GAS7: variants seen among roughly 807,000 people sequenced by gnomAD.
GAS7 encodes the protein growth arrest specific 7, also known as growth arrest-specific protein 7.
Under a neutral mutation model 71.1 loss-of-function variants are expected in GAS7, and 28 were observed. The observed-to-expected ratio is 0.39, with a 90% CI of 0.29 to 0.54. The LOEUF is 0.54. Among genes scored for constraint, GAS7 ranks in the 20% least tolerant of loss-of-function variants. The pLI, the probability that GAS7 is intolerant of heterozygous loss-of-function variation, is 0.62. For missense variants in GAS7, 436 were observed against 627.8 expected (o/e 0.69, Z 3.27); for synonymous variants, 258 against 245.8 (o/e 1.05, Z -0.46).
At chr17:10,065,165 A>G (rs1378030335) in intron 1 of GAS7, among the ~76,000 whole-genome samples, 1 of 152,218 alleles carries the variant, frequency 6.6e-6, no homozygotes, top group African/African-American at 2.4e-5. Context: ...GTTCCTTGGT[A>G]AAGGGCAAGG....
rs8073915 is a variant in GAS7, at chr17:10,063,869, G to A, written c.184-43972C>T. ...TCCCCTTGCACGGGTGGTGAGGGGGGCAGAGGAAGCATCTTTTTTTCATCC... is the reference window on the plus strand; with the variant it reads ...TCCCCTTGCACGGGTGGTGAGGGGGACAGAGGAAGCATCTTTTTTTCATCC... On this transcript the variant is annotated intron_variant, in intron 1 of 13. Transcript: ENST00000432992. Among the ~76,000 whole-genome samples, 1,295 of 152,260 alleles carry A rather than the reference G, an allele frequency of 8.5e-3. 26 individuals are homozygous for A. The highest frequency in any genetic ancestry group is 0.03 in the African/African-American group (1,241 of 41,532).
chr17:10,074,990 C>T (rs2073376065), intron 1 of GAS7, among the ~76,000 whole-genome samples: 1 of 151,234 alleles, frequency 6.6e-6, no homozygotes. Context: ...GCAGAAAAAG[C>T]ACCGGACAAA....
Position 9,926,604 on chromosome 17 carries a change from A to G in GAS7, c.1014+37T>C. On this transcript the variant is annotated intron_variant, in intron 10 of 13. Coordinates refer to ENST00000432992, the MANE Select transcript of GAS7 (RefSeq NM_201433.2). This position sits in a 1 kb window ranked among gnomAD's most constrained non-coding sequence, Gnocchi z 5.0. ...TCCCCCTTCTTCCAGGCAGTCCCCC[A>G]TGCACCTGCCCTGGCCCAGCGTCCT... 6.2e-7 allele frequency: 1 copy of G among 1,606,492 alleles called. No homozygotes were observed. Among genetic ancestry groups the G allele is most frequent in the Non-Finnish European group, 8.5e-7 (1 of 1,176,794 alleles).
At chr17:10,039,637 C>T (rs746647407) in intron 1 of GAS7, 4 of 417,498 alleles carry the variant, frequency 9.6e-6, no homozygotes, top group African/African-American at 2.1e-5. Flanking sequence ...GAGCCAAGAT[C>T]ATGCCACTGC....
At chr17:9,937,795 G>A (rs1402489122) in intron 8 of GAS7, among the ~76,000 whole-genome samples, 2 of 152,320 alleles carry the variant, frequency 1.3e-5, no homozygotes, top group East Asian at 1.9e-4. Context: ...TTCCTCGGGG[G>A]TTCACTCCCC....
intron 1 of GAS7, among the ~76,000 whole-genome samples, chr17:10,182,284 C>T (rs139962854): frequency 9.2e-5 from 14 of 152,160 alleles, no homozygotes; most frequent in Middle Eastern, 3.4e-3. Context: ...CTCAGCCTCC[C>T]GAGTAGCTGG....
intron 2 of GAS7, among the ~76,000 whole-genome samples, chr17:10,013,041 T>G (rs1045078641): frequency 6.7e-6 from 1 of 149,626 alleles, no homozygotes; most frequent in Non-Finnish European, 1.5e-5. Context: ...AGATGGAGGT[T>G]GCAGTGAGCC....
intron 2 of GAS7, among the ~76,000 whole-genome samples, chr17:9,992,610 T>A (rs1245385296): frequency 4.0e-5 from 6 of 151,404 alleles, no homozygotes; most frequent in Non-Finnish European, 5.9e-5. Flanking sequence ...TTAATTAATT[T>A]ATTATTATTA....
chr17:10,186,056 G>A (rs1414558644), intron 1 of GAS7, among the ~76,000 whole-genome samples: 6 of 145,078 alleles, frequency 4.1e-5, no homozygotes, highest in Non-Finnish European at 8.9e-5. Flanking sequence ...CCTGGTTCAC[G>A]CCATTCTCCT....
chr17:10,068,145 A>G (rs1190915393), intron 1 of GAS7, among the ~76,000 whole-genome samples: 1 of 152,208 alleles, frequency 6.6e-6, no homozygotes, highest in Non-Finnish European at 1.5e-5. Context: ...CTTTGTACGA[A>G]GCACAGTGAC....
In GAS7 at chr17:9,914,578, T is replaced by C. The variant is rs947157563; in HGVS notation, c.*2650A>G. On this transcript the variant is annotated 3_prime_UTR_variant, in exon 14 of 14. Coordinates refer to ENST00000432992, the MANE Select transcript of GAS7 (RefSeq NM_201433.2). ...AACAGAGAAATTTCTGAAATTCGAA[T>C]TGGATATGGGCCGTGAGGGTCTGGT... The C allele has an allele frequency of 6.9e-5, 14 of 203,034 alleles. No individual in the cohort carries two copies. The highest frequency in any genetic ancestry group is 3.0e-4 in the East Asian group (4 of 13,180). 12.6% of individuals were successfully genotyped at this position (203,034 alleles called of 1,614,324 possible). A position where few individuals can be genotyped will look rare whatever the true frequency, so the allele number is the denominator to read the frequency against.
intron 1 of GAS7, among the ~76,000 whole-genome samples, chr17:10,068,808 A>G (rs1787121215): frequency 6.6e-6 from 1 of 152,038 alleles, no homozygotes; most frequent in African/African-American, 2.4e-5. Flanking sequence ...AATACAAAGC[A>G]AAATCAGTGA....
rs745409156 is a variant in GAS7, at chr17:9,943,186, T to C, written c.666A>G (p.Leu222=). 22 of 1,613,628 alleles carry C rather than the reference T, an allele frequency of 1.4e-5. No homozygotes were observed. The highest frequency in any genetic ancestry group is 4.5e-5 in the East Asian group (2 of 44,870). ...QGNGTVAGFE[L]LLQKQLKGKQ... ...TGCCCTTCAGCTGTTTCTGGAGCAG[T>C]AGTTCAAACCCAGCCACGGTGCCGT... The change falls in exon 7 of 14, where the codon CTA becomes CTG. Residue 222 remains leucine (L), a synonymous_variant. Transcript: ENST00000432992.
At chr17:9,918,670 G>A (rs1043917118) in intron 12 of GAS7, among the ~76,000 whole-genome samples, 6 of 152,198 alleles carry the variant, frequency 3.9e-5, no homozygotes, top group East Asian at 3.9e-4. Context: ...TGCTGTGGCC[G>A]CAATAGAGAC....
At position 10,034,107 on chromosome 17, in the gene GAS7, C is replaced by T; in HGVS notation, c.184-14210G>A. 1.0e-6 allele frequency: 1 copy of T among 985,030 alleles called. No individual in the cohort carries two copies. The highest frequency in any genetic ancestry group is 1.2e-6 in the Non-Finnish European group (1 of 829,612). The allele number at this position is 985,030 out of a possible 1,614,324, so 61.0% of individuals were successfully genotyped here. A position where few individuals can be genotyped will look rare whatever the true frequency, so the allele number is the denominator to read the frequency against. Reference sequence around the variant, plus strand: ...GGGCCTTGCTATGGAGATGTGAGACCTACCACTGCTCTGTGCCACCGTGCG... The same window carrying T: ...GGGCCTTGCTATGGAGATGTGAGACTTACCACTGCTCTGTGCCACCGTGCG... On this transcript the variant is annotated intron_variant, in intron 1 of 13. Coordinates refer to ENST00000432992, the MANE Select transcript of GAS7 (RefSeq NM_201433.2). This position sits in a 1 kb window ranked among gnomAD's most constrained non-coding sequence, Gnocchi z 4.4.
At chr17:9,939,231 C>A (rs779938176) in intron 8 of GAS7, among the ~76,000 whole-genome samples, 3 of 152,158 alleles carry the variant, frequency 2.0e-5, no homozygotes, top group Non-Finnish European at 4.4e-5. Flanking sequence ...TTTTCCACAG[C>A]GGCTGTACCA....
At chr17:10,036,306 G>A in intron 1 of GAS7, 1 of 822,396 alleles carries the variant, frequency 1.2e-6, no homozygotes, top group Admixed American at 1.8e-5. Context: ...GACCACCACA[G>A]CTCAGCAGTT....
chr17:10,082,227 T>C (rs2073464852), intron 1 of GAS7, among the ~76,000 whole-genome samples: 1 of 152,166 alleles, frequency 6.6e-6, no homozygotes, highest in South Asian at 2.1e-4. Flanking sequence ...TTAAACATGC[T>C]CATGGGAAAC....
chr17:10,001,302 G>T (rs1249765887), intron 2 of GAS7, among the ~76,000 whole-genome samples: 1 of 152,162 alleles, frequency 6.6e-6, no homozygotes, highest in Non-Finnish European at 1.5e-5. Flanking sequence ...CTATTTCAGA[G>T]AAATTATTTT....
Sources: allele counts gnomAD v4.1 joint callset (sites outside exome capture counted in the v4.1 genomes callset), GRCh38; gene constraint gnomAD v4.1.1; non-coding constraint Gnocchi (gnomAD v3.1); transcripts MANE v1.5; gene names NCBI Gene and HGNC (gene_info 2026-07-23, HGNC 2026-07-21).